The following ARID4B variants were observed in gnomAD, a reference collection of about 807,000 sequenced individuals.
The protein encoded by ARID4B is AT-rich interaction domain 4B, also known as AT-rich interactive domain-containing protein 4B.
In ARID4B, 26 loss-of-function variants were observed where a neutral mutation model predicts 147.5. The observed-to-expected ratio is 0.18, with a 90% CI of 0.13 to 0.24. The LOEUF (loss-of-function observed/expected upper bound fraction) is 0.24, where lower values mean the gene tolerates loss of function less well. Among genes scored for constraint, ARID4B ranks in the 10% least tolerant of loss-of-function variants. The pLI is 1.00. For synonymous variants in ARID4B, 512 were observed against 507.9 expected, an observed-to-expected ratio of 1.01 and a Z score of -0.11; for missense variants, 1,179 against 1,511.5, an observed-to-expected ratio of 0.78 and a Z score of 3.65.
At chr1:235,311,880 T>C (rs759527172) in intron 2 of ARID4B, among the ~76,000 whole-genome samples, 2 of 152,206 alleles carry the variant, frequency 1.3e-5, no homozygotes, top group Non-Finnish European at 2.9e-5. Context: ...CGGTGCCCTA[T>C]ATAAATTATT....
chr1:235,234,720 G>A (rs1300898934), intron 8 of ARID4B, among the ~76,000 whole-genome samples: 4 of 152,150 alleles, frequency 2.6e-5, no homozygotes, highest in Non-Finnish European at 5.9e-5. Flanking sequence ...CATAGGCAAG[G>A]CATTGAAAGC....
At chr1:235,322,031 A>ATT (rs1558314427) in intron 2 of ARID4B, among the ~76,000 whole-genome samples, 1 of 150,506 alleles carries the variant, frequency 6.6e-6, no homozygotes, top group African/African-American at 2.4e-5. Context: ...TTCAAGAAAA[A>ATT]ATTTTTTTTT....
chr1:235,274,948 C>A (rs747862191), intron 2 of ARID4B, among the ~76,000 whole-genome samples: 2 of 152,046 alleles, frequency 1.3e-5, no homozygotes, highest in Non-Finnish European at 2.9e-5. Context: ...ATACTAAAAA[C>A]AGGCACAATG....
At chr1:235,310,587 G>T (rs1232001672) in intron 2 of ARID4B, among the ~76,000 whole-genome samples, 1 of 152,194 alleles carries the variant, frequency 6.6e-6, no homozygotes, top group Non-Finnish European at 1.5e-5. Context: ...TACGGTTAAA[G>T]AATTCCTTAT....
intron 11 of ARID4B, chr1:235,228,182 T>G (rs1381683335): frequency 1.3e-5 from 2 of 152,010 alleles, no homozygotes; most frequent in Non-Finnish European, 2.9e-5. Flanking sequence ...TATTTTATAC[T>G]TTTCTGGGTT....
intron 17 of ARID4B, among the ~76,000 whole-genome samples, chr1:235,206,216 CAG>C (rs745882200): frequency 2.2e-4 from 33 of 151,960 alleles, no homozygotes; most frequent in Non-Finnish European, 4.1e-4. Context: ...AGATATGAAA[CAG>C]AAATTTTTTT....
Position 235,182,248 on chromosome 1 carries a change from T to A in ARID4B, c.2671A>T (p.Thr891Ser), listed in dbSNP as rs761966680. The A allele has an allele frequency of 6.2e-7, 1 of 1,612,956 alleles. No individual in the cohort carries two copies. Among genetic ancestry groups the A allele is most frequent in the East Asian group, 2.2e-5 (1 of 44,890 alleles). Reference sequence around the variant, plus strand: ...GAAAATCCTGAATAGAAACCAGTTGTCCGTAGAGATTTTCTTTTTTCCTCC... The same window carrying A: ...GAAAATCCTGAATAGAAACCAGTTGACCGTAGAGATTTTCTTTTTTCCTCC... ...GLEEKRKSLR[T>S]TGFYSGFSEV... Residue 891 changes from threonine (T) to serine (S), a missense_variant, in exon 20 of 24, where the codon ACA becomes TCA. Thr to Ser is a moderately conservative substitution (Grantham distance 58, BLOSUM62 1). Transcript: ENST00000264183.
At chr1:235,171,425 T>G (rs1216220570) in intron 23 of ARID4B, among the ~76,000 whole-genome samples, 1 of 151,950 alleles carries the variant, frequency 6.6e-6, no homozygotes, top group African/African-American at 2.4e-5. Context: ...AGAGCAAAAC[T>G]CCATCTCCAA....
At position 235,175,953 on chromosome 1, in the gene ARID4B, C is replaced by G. The variant is rs141651653; in HGVS notation, c.3449-554G>C. Among the ~76,000 whole-genome samples the G allele has an allele frequency of 2.0e-5, 3 of 152,216 alleles. No homozygotes were observed. In the East Asian group the frequency reaches 5.8e-4, roughly 29 times the overall value. On this transcript the variant is annotated intron_variant, in intron 21 of 23. Transcript: ENST00000264183. The stretch of plus-strand genomic sequence containing the variant: ...ATCAGTTTCACCCTAATAAAATATT[C>G]AGTATTTTATGAACAATTCAGAAGT...
intron 19 of ARID4B, 79 bp from the exon 20 acceptor site, chr1:235,182,872 A>AT (rs1263929385): frequency 2.8e-6 from 4 of 1,415,328 alleles, no homozygotes; most frequent in African/African-American, 1.4e-5. Context: ...GACTGTATAT[A>AT]TTAGGTCCTG....
At chr1:235,214,387 T>A (rs549398207) in intron 16 of ARID4B, among the ~76,000 whole-genome samples, 3 of 152,280 alleles carry the variant, frequency 2.0e-5, no homozygotes, top group Non-Finnish European at 4.4e-5. Flanking sequence ...GACAAAAAAA[T>A]TCATTATACT....
intron 19 of ARID4B, among the ~76,000 whole-genome samples, chr1:235,184,953 A>T (rs1664573789): frequency 6.6e-6 from 1 of 152,126 alleles, no homozygotes; most frequent in Non-Finnish European, 1.5e-5. Flanking sequence ...AGCAGCTGGG[A>T]CTACAGGCAC....
chr1:235,203,383 G>A (rs1398751405), intron 17 of ARID4B, among the ~76,000 whole-genome samples: 1 of 152,046 alleles, frequency 6.6e-6, no homozygotes, highest in African/African-American at 2.4e-5. Flanking sequence ...AATATTATCA[G>A]CATATAGTTA....
Position 235,179,641 on chromosome 1 carries a change from AC to A in ARID4B, c.3335-1729del, listed in dbSNP as rs1054507956. On this transcript the variant is annotated intron_variant, in intron 20 of 23. Transcript: ENST00000264183. ...TAGCTTTCAAATTCCACAATTATTA[AC>A]CTAGTCAAGATTAAGATTCAAAAGG... Among the ~76,000 whole-genome samples the A allele has an allele frequency of 3.3e-5, 5 of 151,988 alleles. No individual in the cohort carries two copies. The South Asian group carries it at 8.3e-4, about 25-fold the overall frequency.
intron 2 of ARID4B, among the ~76,000 whole-genome samples, chr1:235,272,182 G>C (rs1210828804): frequency 6.6e-6 from 1 of 152,128 alleles, no homozygotes; most frequent in Admixed American, 6.5e-5. Flanking sequence ...TATTACTGTA[G>C]TAAGCCCTTT....
intron 2 of ARID4B, among the ~76,000 whole-genome samples, chr1:235,271,311 G>A (rs1333671622): frequency 6.6e-6 from 1 of 152,122 alleles, no homozygotes; most frequent in Non-Finnish European, 1.5e-5. Flanking sequence ...CTATATCACT[G>A]CACTCCAGCC....
intron 2 of ARID4B, among the ~76,000 whole-genome samples, chr1:235,308,527 C>T (rs1449493037): frequency 2.0e-5 from 3 of 151,010 alleles, no homozygotes; most frequent in Non-Finnish European, 2.9e-5. Context: ...GATGCCGAGC[C>T]GAAGCTGGAC....
chr1:235,246,408 A>G lies in ARID4B; in HGVS notation c.446+12T>C, dbSNP rs771999105. 15 of 1,566,344 alleles carry G rather than the reference A, an allele frequency of 9.6e-6. No homozygotes were observed. The highest frequency in any genetic ancestry group is 1.3e-5 in the Non-Finnish European group (15 of 1,136,730). On this transcript the variant is annotated intron_variant, in intron 7 of 23. Coordinates refer to ENST00000264183, the MANE Select transcript of ARID4B (RefSeq NM_016374.6). ...ATTCAGGTTCAACTAACAGTCATGA[A>G]AATGGACTTACATATGATTAGATCT... is the stretch of plus-strand genomic sequence containing the variant.
At chr1:235,277,000 G>GAAA (rs751564359) in intron 2 of ARID4B, among the ~76,000 whole-genome samples, 1 of 99,504 alleles carries the variant, frequency 1.0e-5, no homozygotes, top group Non-Finnish European at 2.2e-5. Flanking sequence ...CACCATCTCC[G>GAAA]AAAAAAAAAA....
Sources: allele counts gnomAD v4.1 joint callset (sites outside exome capture counted in the v4.1 genomes callset), GRCh38; gene constraint gnomAD v4.1.1; transcripts MANE v1.5; gene names NCBI Gene and HGNC (gene_info 2026-07-23, HGNC 2026-07-21).